EFNA5: variants seen among roughly 807,000 people sequenced by gnomAD.
The protein encoded by EFNA5 is ephrin-A5.
Under a neutral mutation model 22.9 loss-of-function variants are expected in EFNA5, and 5 were observed. That is an observed-to-expected ratio of 0.22 (90% CI 0.11 to 0.46). The LOEUF (loss-of-function observed/expected upper bound fraction) is 0.46. EFNA5 is among the 20% of genes least tolerant of loss of function. The pLI is 0.99. For missense variants in EFNA5, 237 were observed against 293.3 expected, an observed-to-expected ratio of 0.81 and a Z score of 1.40; for synonymous variants, 113 against 112.2, an observed-to-expected ratio of 1.01 and a Z score of -0.04.
chr5:107,448,594 G>A (rs1166855302), intron 1 of EFNA5, among the ~76,000 whole-genome samples: 2 of 152,016 alleles, frequency 1.3e-5, no homozygotes, highest in Admixed American at 6.6e-5. Flanking sequence ...ACTTTGGAAG[G>A]CTGAGGCGGG....
At chr5:107,559,544 C>T (rs1748493829) in intron 1 of EFNA5, among the ~76,000 whole-genome samples, 1 of 152,148 alleles carries the variant, frequency 6.6e-6, no homozygotes, top group African/African-American at 2.4e-5. Flanking sequence ...ATAACGAATG[C>T]TAACTTTACA....
chr5:107,467,535 T>G (rs1022391055), intron 1 of EFNA5, among the ~76,000 whole-genome samples: 1 of 152,146 alleles, frequency 6.6e-6, no homozygotes, highest in Non-Finnish European at 1.5e-5. Flanking sequence ...AAAAAAATAG[T>G]GTCTATTTGA....
intron 1 of EFNA5, among the ~76,000 whole-genome samples, chr5:107,592,608 T>C (rs1749399936): frequency 6.6e-6 from 1 of 152,174 alleles, no homozygotes; most frequent in Non-Finnish European, 1.5e-5. Flanking sequence ...ATTTATTCCA[T>C]GCAGGTTAGG....
At chr5:107,398,053 A>G (rs1037652366) in intron 2 of EFNA5, among the ~76,000 whole-genome samples, 1 of 151,960 alleles carries the variant, frequency 6.6e-6, no homozygotes, top group Non-Finnish European at 1.5e-5. Context: ...TTGTTTTTTG[A>G]GACACGGTCT....
chr5:107,385,873 G>A (rs1224571733), intron 4 of EFNA5, among the ~76,000 whole-genome samples: 1 of 152,052 alleles, frequency 6.6e-6, no homozygotes, highest in Non-Finnish European at 1.5e-5. Flanking sequence ...GATCCCTGGG[G>A]AGCCACTAAG....
chr5:107,445,404 T>C (rs545561431), intron 1 of EFNA5, among the ~76,000 whole-genome samples: 2 of 152,332 alleles, frequency 1.3e-5, no homozygotes, highest in African/African-American at 4.8e-5. Flanking sequence ...ATGTGCTCTA[T>C]TGAAGGGTTT....
intron 1 of EFNA5, 75 bp from the exon 2 acceptor site, chr5:107,427,584 T>C (rs2112421453): frequency 7.3e-7 from 1 of 1,376,472 alleles, no homozygotes; most frequent in Non-Finnish European, 9.8e-7. Flanking sequence ...GGTTAAGCCA[T>C]TCAATAATTT....
chr5:107,546,087 T>C (rs1218709394), intron 1 of EFNA5, among the ~76,000 whole-genome samples: 1 of 152,152 alleles, frequency 6.6e-6, no homozygotes, highest in Non-Finnish European at 1.5e-5. Context: ...GGGGGCTGTT[T>C]TCCATTTCCC....
chr5:107,507,176 G>C (rs1044416116), intron 1 of EFNA5, among the ~76,000 whole-genome samples: 1 of 152,140 alleles, frequency 6.6e-6, no homozygotes, highest in Non-Finnish European at 1.5e-5. Context: ...AAGGACATTA[G>C]AAGTAATCTA....
intron 1 of EFNA5, among the ~76,000 whole-genome samples, chr5:107,612,760 C>T (rs1749841866): frequency 6.6e-6 from 1 of 152,086 alleles, no homozygotes; most frequent in Non-Finnish European, 1.5e-5. Flanking sequence ...TGTATTAATA[C>T]AGGGAAAGCC....
chr5:107,586,147 C>T (rs1027885291), intron 1 of EFNA5, among the ~76,000 whole-genome samples: 2 of 151,992 alleles, frequency 1.3e-5, no homozygotes, highest in African/African-American at 2.4e-5. Flanking sequence ...TGGGATTGCT[C>T]GAATTCAGTT....
At chr5:107,435,349 G>A (rs910781003) in intron 1 of EFNA5, among the ~76,000 whole-genome samples, 2 of 119,284 alleles carry the variant, frequency 1.7e-5, no homozygotes, top group African/African-American at 7.3e-5. Flanking sequence ...CTTTTCTGTG[G>A]AGGTTAAAGC....
At chr5:107,607,832 A>G (rs764405646) in intron 1 of EFNA5, among the ~76,000 whole-genome samples, 16 of 152,144 alleles carry the variant, frequency 1.1e-4, no homozygotes, top group Non-Finnish European at 2.4e-4. Context: ...ACCCACATCT[A>G]TAAAAAGACC....
intron 1 of EFNA5, among the ~76,000 whole-genome samples, chr5:107,436,831 C>T (rs919713498): frequency 6.6e-6 from 1 of 152,168 alleles, no homozygotes; most frequent in Non-Finnish European, 1.5e-5. Flanking sequence ...AAACTGCTTA[C>T]TTCCATGTAG....
intron 1 of EFNA5, among the ~76,000 whole-genome samples, chr5:107,567,359 A>T (rs1748683023): frequency 6.6e-6 from 1 of 152,228 alleles, no homozygotes; most frequent in Non-Finnish European, 1.5e-5. Flanking sequence ...AAGGCACAGA[A>T]TCAACAACCC....
intron 2 of EFNA5, among the ~76,000 whole-genome samples, chr5:107,403,008 G>A (rs1748124073): frequency 6.6e-6 from 1 of 152,196 alleles, no homozygotes; most frequent in Admixed American, 6.5e-5. Context: ...TGTGAAATAT[G>A]AACTTGCCAA....
intron 1 of EFNA5, among the ~76,000 whole-genome samples, chr5:107,452,333 TC>T (rs1749583116): frequency 6.6e-6 from 1 of 151,974 alleles, no homozygotes; most frequent in Non-Finnish European, 1.5e-5. Flanking sequence ...CCGTTTTTTT[TC>T]TTTTAGAAAA....
intron 2 of EFNA5, among the ~76,000 whole-genome samples, chr5:107,411,591 C>T (rs1748367600): frequency 6.6e-6 from 1 of 152,150 alleles, no homozygotes; most frequent in African/African-American, 2.4e-5. Context: ...GGTTCCTGTC[C>T]ATCCTGAGGT....
At chr5:107,591,343 G>C (rs1159014785) in intron 1 of EFNA5, among the ~76,000 whole-genome samples, 1 of 152,132 alleles carries the variant, frequency 6.6e-6, no homozygotes, top group Non-Finnish European at 1.5e-5. Flanking sequence ...CCCAGCCATA[G>C]AGCTGAACAC....
Sources: allele counts gnomAD v4.1 joint callset (sites outside exome capture counted in the v4.1 genomes callset), GRCh38; gene constraint gnomAD v4.1.1; transcripts MANE v1.5; gene names NCBI Gene and HGNC (gene_info 2026-07-23, HGNC 2026-07-21).